ETV4: variants seen among roughly 807,000 people sequenced by gnomAD.
ETV4 encodes the protein ETS translocation variant 4.
ETV4 carries 42 observed loss-of-function variants against 65.9 expected under a neutral mutation model. The observed-to-expected ratio is 0.64, with a 90% CI of 0.50 to 0.82. The LOEUF is 0.82. ETV4 is among the 40% of genes least tolerant of loss of function. The probability of loss-of-function intolerance (pLI) is 0.00; values close to 1 mark genes in which losing one functional copy is unlikely to be tolerated. For missense variants in ETV4, 583 were observed against 630.3 expected (o/e 0.92, Z 0.80); for synonymous variants, 238 against 260.0 (o/e 0.92, Z 0.81).
intron 8 of ETV4, among the ~76,000 whole-genome samples, chr17:43,531,477 T>C (rs1970934057): frequency 6.6e-6 from 1 of 152,158 alleles, no homozygotes. Flanking sequence ...GGCTCAAATA[T>C]GTAAGCCACA....
chr17:43,529,795 C>T, intron 10 of ETV4, 89 bp downstream of exon 10: 1 of 1,599,364 alleles, frequency 6.3e-7, no homozygotes, highest in Non-Finnish European at 8.6e-7. Context: ...TGGGTCCCAC[C>T]CTCTTGCAAC....
At chr17:43,529,763 G>A (rs1970795312) in intron 10 of ETV4, 87 bp from the exon 11 acceptor site, 1 of 1,591,112 alleles carries the variant, frequency 6.3e-7, no homozygotes, top group African/African-American at 1.3e-5. Context: ...TTCTCGAAGG[G>A]GTCTCCCCAG....
chr17:43,533,082 C>G, intron 7 of ETV4, 105 bp downstream of exon 7: 36 of 1,510,578 alleles, frequency 2.4e-5, no homozygotes, highest in Non-Finnish European at 3.2e-5. Flanking sequence ...TTCTATTCCA[C>G]TGCCCCCTGC....
At position 43,545,229 on chromosome 17, in the gene ETV4, GT is replaced by G. The variant is rs765942155; in HGVS notation, c.154+44del. 1.1e-4 allele frequency: 135 copies of G among 1,183,796 alleles called. 1 individual carries two copies. In the African/African-American group the frequency reaches 1.7e-3, roughly 15 times the overall value. The allele number at this position is 1,183,796 out of a possible 1,614,324, so 73.3% of individuals were successfully genotyped here. ...TGTGTGTGTGTGTGTGTGTGTGTGTGTGTGTGGCGGAGGAGGGTCGCGGTTT... is the reference window on the plus strand; with the variant it reads ...TGTGTGTGTGTGTGTGTGTGTGTGTGGTGTGGCGGAGGAGGGTCGCGGTTT... On this transcript the variant is annotated intron_variant, in intron 3 of 12. Coordinates refer to ENST00000319349, the MANE Select transcript of ETV4 (RefSeq NM_001079675.5).
chr17:43,533,312 G>A lies in ETV4; in HGVS notation c.420C>T (p.Ser140=), dbSNP rs1598201474. The A allele has an allele frequency of 6.2e-7, 1 of 1,613,866 alleles. No individual in the cohort carries two copies. Among genetic ancestry groups the A allele is most frequent in the Non-Finnish European group, 8.5e-7 (1 of 1,179,864 alleles). ...YDPPRQIAIK[S]PAPGALGQSP... is the part of the protein sequence containing the mutation. ...ACTGTCCAAGGGCACCAGGGGCAGG[G>A]GACTTGATGGCGATTTGTCTGGGGG... The change falls in exon 7 of 13, where the codon TCC becomes TCT. Residue 140 remains serine, a synonymous_variant. Transcript: ENST00000319349.
rs745548127 is a variant in ETV4 at position 43,528,675 on chromosome 17, C to T, written c.1299G>A (p.Pro433=). 7 of 1,614,124 alleles carry T rather than the reference C, an allele frequency of 4.3e-6. No individual in the cohort carries two copies. Among genetic ancestry groups the T allele is most frequent in the Admixed American group, 1.7e-5 (1 of 60,006 alleles). Residue 433 remains proline, a synonymous_variant, in exon 13 of 13, where the codon CCG becomes CCA. Transcript: ENST00000319349. ...CCTTGAGAGCTGGACGCTGATTGTC[C>T]GGGAAGGCCAAAGAGAAGAGGGCCT... ...EPEALFSLAF[P]DNQRPALKAE... is the part of the protein sequence containing the mutation.
In ETV4 at chr17:43,530,174, G is replaced by A. The variant is rs1196983273; in HGVS notation, c.819C>T (p.Thr273=). ...TGTGGAGGTACATTGATGCGCACCC[G>A]GTGACATCTGTGGGGGAAGAAGGGG... is the stretch of plus-strand genomic sequence containing the variant. ...QTDFAYDSDV[T]GCASMYLHTE... The change falls in exon 9 of 13, where the codon ACC becomes ACT. Residue 273 remains threonine, a synonymous_variant. Coordinates refer to ENST00000319349, the MANE Select transcript of ETV4 (RefSeq NM_001079675.5). 3.2e-6 allele frequency: 5 copies of A among 1,555,334 alleles called. No individual in the cohort carries two copies. Among genetic ancestry groups the A allele is most frequent in the Non-Finnish European group, 1.7e-6 (2 of 1,148,766 alleles).
chr17:43,538,312 A>T (rs1971350774), intron 4 of ETV4, among the ~76,000 whole-genome samples: 1 of 152,138 alleles, frequency 6.6e-6, no homozygotes, highest in Non-Finnish European at 1.5e-5. Flanking sequence ...TCTCAAAAAT[A>T]AATAAATAAA....
Position 43,545,003 on chromosome 17 carries a change from A to T in ETV4, c.174T>A (p.Ser58Arg). The T allele has an allele frequency of 6.2e-7, 1 of 1,614,008 alleles. No homozygotes were observed. Among genetic ancestry groups the T allele is most frequent in the South Asian group, 1.1e-5 (1 of 91,070 alleles). ...CAGCGAGCCACGTCTCCTGGAAGTG[A>T]CTTAGATCCTGGAAGAGATCTGAGG... is the stretch of plus-strand genomic sequence containing the variant. ...LDSEDLFQDLSHFQETWLAEA... is the reference protein window; with the variant it reads ...LDSEDLFQDLRHFQETWLAEA... The change falls in exon 4 of 13, where the codon AGT becomes AGA. Residue 58 changes from serine to arginine, a missense_variant. Transcript: ENST00000319349.
Position 43,529,721 on chromosome 17 carries a change from TC to T in ETV4, c.956-46del, listed in dbSNP as rs991909084. The T allele has an allele frequency of 1.4e-5, 22 of 1,591,742 alleles. No individual in the cohort carries two copies. In the Admixed American group the frequency reaches 3.1e-4, roughly 22 times the overall value. ...GAGGTGTGGGGTTTGTGTCTTTTGG[TC>T]CCCCAAGCAACCGCCTCCCACCCGA... On this transcript the variant is annotated intron_variant, in intron 10 of 12. Transcript: ENST00000319349.
intron 5 of ETV4, among the ~76,000 whole-genome samples, chr17:43,535,746 A>G (rs1971207411): frequency 6.6e-6 from 1 of 152,190 alleles, no homozygotes; most frequent in Non-Finnish European, 1.5e-5. Flanking sequence ...TGACAACCAA[A>G]AATGTCTACA....
chr17:43,533,712 T>C (rs941591039), intron 6 of ETV4, 147 bp downstream of exon 6: 2 of 1,025,798 alleles, frequency 1.9e-6, no homozygotes, highest in Non-Finnish European at 2.8e-6. Flanking sequence ...AGGAAATCCT[T>C]AGCTGTATTG....
chr17:43,531,674 C>T (rs530129949), intron 8 of ETV4, among the ~76,000 whole-genome samples: 1 of 152,192 alleles, frequency 6.6e-6, no homozygotes, highest in Admixed American at 6.5e-5. Context: ...CATCTCAAAA[C>T]AAACAAACAG....
At chr17:43,544,512 G>T in intron 4 of ETV4, 1 of 158,546 alleles carries the variant, frequency 6.3e-6, no homozygotes, top group South Asian at 1.8e-4. Flanking sequence ...TGGGGGTTGG[G>T]AAGAAGAGAA....
At position 43,532,925 on chromosome 17, in the gene ETV4, T is replaced by G. The variant is rs1351564527; in HGVS notation, c.560A>C (p.Gln187Pro). The change falls in exon 8 of 13, where the codon CAG becomes CCG. Residue 187 changes from glutamine (Q) to proline (P), a missense_variant. Physicochemically the swap from Gln to Pro is moderately conservative, Grantham distance 76 (BLOSUM62 -1). Coordinates refer to ENST00000319349, the MANE Select transcript of ETV4 (RefSeq NM_001079675.5). The part of the protein sequence containing the change: ...YLGEHSSVFQ[Q>P]PLDICHSFTS... ...GAAGGAGTGGCAAATGTCCAGGGGC[T>G]GCTGGAAGACGGAGCTGGATGTGGT... 49 of 1,573,634 alleles carry G rather than the reference T, an allele frequency of 3.1e-5. No homozygotes were observed. The highest frequency in any genetic ancestry group is 4.1e-5 in the Non-Finnish European group (47 of 1,159,262).
At chr17:43,543,879 C>T (rs1338579137) in intron 4 of ETV4, 1 of 152,148 alleles carries the variant, frequency 6.6e-6, no homozygotes. Context: ...GCAAGACAGA[C>T]CTAGTCTCAC....
In ETV4 at chr17:43,529,622, C is replaced by T. The variant is rs770900086; in HGVS notation, c.1010G>A (p.Arg337His). The T allele has an allele frequency of 3.0e-5, 48 of 1,613,992 alleles. No homozygotes were observed. Among genetic ancestry groups the T allele is most frequent in the Admixed American group, 3.3e-5 (2 of 60,002 alleles). Residue 337 changes from arginine (R) to histidine (H), a missense_variant, in exon 11 of 13, where the codon CGC becomes CAC. Arg to His is a conservative substitution (Grantham distance 29). Transcript: ENST00000319349. The part of the protein sequence containing the change: ...GAFREGPPYQ[R>H]RGALQLWQFL... ...TTGCCACAGCTGCAGGGCACCCCGG[C>T]GCTGGTAGGGCGGCCCCTCTCGAAA...
chr17:43,533,070 C>G, intron 7 of ETV4, 117 bp downstream of exon 7: 1 of 1,500,036 alleles, frequency 6.7e-7, no homozygotes, highest in Non-Finnish European at 9.0e-7. Flanking sequence ...GTATTTCTCC[C>G]TTTCTATTCC....
intron 4 of ETV4, among the ~76,000 whole-genome samples, chr17:43,538,719 C>T (rs979462795): frequency 2.0e-5 from 3 of 152,184 alleles, no homozygotes; most frequent in African/African-American, 7.2e-5. Context: ...GAAATGTAGA[C>T]ACCAAGAAGA....
Sources: gnomAD v4.1 joint callset for allele counts (sites outside exome capture counted in the v4.1 genomes callset) on GRCh38, gnomAD v4.1.1 for gene constraint, MANE v1.5 for transcripts, NCBI Gene and HGNC (gene_info 2026-07-23, HGNC 2026-07-21) for gene names.